The following SHISA9 variants were observed in gnomAD, a reference collection of about 807,000 sequenced individuals.
SHISA9 encodes the protein protein shisa-9.
Under a neutral mutation model 38.0 loss-of-function variants are expected in SHISA9, and 13 were observed. The observed-to-expected ratio is 0.34, with a 90% CI of 0.22 to 0.54. SHISA9 has a LOEUF of 0.54. SHISA9 is among the 20% of genes least tolerant of loss of function. The pLI is 0.91. For synonymous variants in SHISA9, 275 were observed against 242.0 expected (o/e 1.14, Z -1.27); for missense variants, 538 against 575.8 (o/e 0.93, Z 0.67).
At chr16:13,494,008 G>A in the SHISA9 span, among the ~76,000 whole-genome samples, 2 of 152,110 alleles carry the variant, frequency 1.3e-5, no homozygotes, top group Admixed American at 6.5e-5. Flanking sequence ...ACATGGTGGA[G>A]GATGCAACAA....
chr16:13,022,802 A>C (rs550761613), intron 2 of SHISA9, among the ~76,000 whole-genome samples: 3 of 151,654 alleles, frequency 2.0e-5, no homozygotes, highest in Admixed American at 1.3e-4. Context: ...GGGTATCACT[A>C]TGCTGCCCAG....
the SHISA9 span, among the ~76,000 whole-genome samples, chr16:13,402,674 G>A: frequency 6.6e-6 from 1 of 152,084 alleles, no homozygotes; most frequent in African/African-American, 2.4e-5. Flanking sequence ...GCCACGCCCG[G>A]CTATTTTTTG....
the SHISA9 span, among the ~76,000 whole-genome samples, chr16:13,532,675 C>T: frequency 1.3e-5 from 2 of 152,280 alleles, no homozygotes; most frequent in Admixed American, 1.3e-4. Flanking sequence ...CCTTGCTTCA[C>T]ATGGCTGCCT....
the SHISA9 span, among the ~76,000 whole-genome samples, chr16:13,259,533 G>C: frequency 6.6e-6 from 1 of 152,260 alleles, no homozygotes; most frequent in Non-Finnish European, 1.5e-5. Context: ...CCCTAGCAGA[G>C]GTTCTCCATG....
chr16:13,272,179 GA>G, the SHISA9 span, among the ~76,000 whole-genome samples: 2 of 151,642 alleles, frequency 1.3e-5, no homozygotes, highest in African/African-American at 4.8e-5. Context: ...GCATACAATT[GA>G]AATGGGCACT....
At chr16:13,308,147 G>C in the SHISA9 span, among the ~76,000 whole-genome samples, 1 of 151,662 alleles carries the variant, frequency 6.6e-6, no homozygotes. Flanking sequence ...TGAGTAATAG[G>C]ACAGTAAGAA....
intron 2 of SHISA9, among the ~76,000 whole-genome samples, chr16:13,114,291 C>T (rs1303348872): frequency 1.3e-5 from 2 of 151,562 alleles, no homozygotes; most frequent in Admixed American, 6.6e-5. Flanking sequence ...ATGGTGAAAC[C>T]CCATCTCCAC....
the SHISA9 span, among the ~76,000 whole-genome samples, chr16:13,252,267 G>A: frequency 6.7e-4 from 102 of 152,236 alleles, no homozygotes; most frequent in Admixed American, 1.6e-3. Flanking sequence ...CACCTTGAGC[G>A]CTTTGTCCAT....
At chr16:13,075,554 C>A (rs1328526865) in intron 2 of SHISA9, among the ~76,000 whole-genome samples, 1 of 152,170 alleles carries the variant, frequency 6.6e-6, no homozygotes, top group African/African-American at 2.4e-5. Context: ...CCCAGGGGAT[C>A]CTTCTCGTTC....
chr16:13,170,324 T>C (rs1042697240), intron 2 of SHISA9, among the ~76,000 whole-genome samples: 1 of 152,176 alleles, frequency 6.6e-6, no homozygotes, highest in African/African-American at 2.4e-5. Context: ...GTGCCTGAGA[T>C]ACAATGGTGA....
chr16:12,919,941 C>T (rs769192723), intron 2 of SHISA9, among the ~76,000 whole-genome samples: 7 of 152,204 alleles, frequency 4.6e-5, no homozygotes, highest in Non-Finnish European at 8.8e-5. Context: ...TTTGAAGGCA[C>T]ATTTTGTCCT....
At chr16:13,132,728 A>G (rs1596670703) in intron 2 of SHISA9, among the ~76,000 whole-genome samples, 1 of 152,238 alleles carries the variant, frequency 6.6e-6, no homozygotes, top group East Asian at 1.9e-4. Context: ...AACAGGCAGT[A>G]AGGAAAGGTA....
intron 2 of SHISA9, among the ~76,000 whole-genome samples, chr16:13,073,957 G>GTTTTTTTT (rs11442270): frequency 9.6e-6 from 1 of 103,858 alleles, no homozygotes; most frequent in Non-Finnish European, 2.1e-5. Context: ...TCTGCTGGTC[G>GTTTTTTTT]TTTTTTTTTT....
chr16:12,907,995 C>G (rs2071125927), intron 1 of SHISA9, among the ~76,000 whole-genome samples: 2 of 152,204 alleles, frequency 1.3e-5, no homozygotes, highest in Admixed American at 6.5e-5. Flanking sequence ...GCCTGAGATT[C>G]AATCTCAGCT....
chr16:12,903,649 C>G (rs1308920239), intron 1 of SHISA9, among the ~76,000 whole-genome samples: 1 of 152,210 alleles, frequency 6.6e-6, no homozygotes, highest in East Asian at 1.9e-4. Context: ...TCCGGGCGGG[C>G]GGGGTGGAAG....
At chr16:13,542,279 C>T in the SHISA9 span, among the ~76,000 whole-genome samples, 1 of 152,204 alleles carries the variant, frequency 6.6e-6, no homozygotes, top group Non-Finnish European at 1.5e-5. Flanking sequence ...AATTTGTGGT[C>T]ATTTATCACA....
At chr16:13,064,573 A>T (rs973492863) in intron 2 of SHISA9, among the ~76,000 whole-genome samples, 9 of 152,232 alleles carry the variant, frequency 5.9e-5, no homozygotes, top group African/African-American at 2.2e-4. Flanking sequence ...AAGGATCATT[A>T]TATGTGTATG....
chr16:13,180,192 T>C (rs1468065117), intron 2 of SHISA9, among the ~76,000 whole-genome samples: 1 of 152,248 alleles, frequency 6.6e-6, no homozygotes, highest in African/African-American at 2.4e-5. Flanking sequence ...ACTTGGCTCC[T>C]ATGAAAAGGT....
the SHISA9 span, among the ~76,000 whole-genome samples, chr16:13,519,921 G>A: frequency 1.3e-5 from 2 of 152,128 alleles, no homozygotes; most frequent in South Asian, 4.1e-4. Flanking sequence ...TTCCAGATGA[G>A]ATTTGGGTGG....
Sources: gnomAD v4.1 joint callset for allele counts (sites outside exome capture counted in the v4.1 genomes callset) on GRCh38, gnomAD v4.1.1 for gene constraint, MANE v1.5 for transcripts, NCBI Gene and HGNC (gene_info 2026-07-23, HGNC 2026-07-21) for gene names.